The following RUFY2 variants were observed in gnomAD, a reference collection of about 807,000 sequenced individuals.
RUFY2 encodes the protein RUN and FYVE domain-containing protein 2.
Under a neutral mutation model 94.4 loss-of-function variants are expected in RUFY2, and 49 were observed. The ratio of observed to expected loss-of-function variants is 0.52; its 90% CI spans 0.41 to 0.66. The LOEUF is 0.66. Among genes scored for constraint, RUFY2 ranks in the 30% least tolerant of loss-of-function variants. RUFY2 has a pLI of 0.00. For synonymous variants in RUFY2, 255 were observed against 235.7 expected (o/e 1.08, Z -0.75); for missense variants, 541 against 692.8 (o/e 0.78, Z 2.46).
intron 13 of RUFY2, among the ~76,000 whole-genome samples, chr10:68,371,536 G>A (rs988368966): frequency 6.6e-6 from 1 of 151,406 alleles, no homozygotes. Flanking sequence ...AGGTTGCAGA[G>A]AGCCGAGATC....
chr10:68,379,608 G>T, intron 11 of RUFY2, 87 bp from the exon 12 acceptor site: 1 of 893,608 alleles, frequency 1.1e-6, no homozygotes, highest in Non-Finnish European at 1.7e-6. Flanking sequence ...TAATAGATAG[G>T]GTATCACTAT....
At chr10:68,380,535 A>T (rs1387150564) in intron 11 of RUFY2, among the ~76,000 whole-genome samples, 1 of 152,100 alleles carries the variant, frequency 6.6e-6, no homozygotes, top group Non-Finnish European at 1.5e-5. Context: ...TTTTGGCAAC[A>T]TATCTACTTA....
intron 9 of RUFY2, 46 bp downstream of exon 9, chr10:68,384,005 T>A (rs1395675078): frequency 6.3e-7 from 1 of 1,585,662 alleles, no homozygotes; most frequent in Non-Finnish European, 8.6e-7. Flanking sequence ...CCAAAAATGG[T>A]AATTTCTGAC....
At chr10:68,342,294 T>C (rs1312841242), downstream of RUFY2, 2 of 415,212 alleles carry the variant, frequency 4.8e-6, no homozygotes, top group Non-Finnish European at 8.6e-6. Context: ...ATACTTTTTA[T>C]ATACTAGTTA....
chr10:68,405,313 C>CAA (rs386371709), intron 1 of RUFY2: 120,348 of 171,016 alleles, frequency 0.7, 41,868 homozygotes, highest in East Asian at 0.95. Flanking sequence ...CTCCGTCTCA[C>CAA]AAAAAAAAAA....
chr10:68,393,941 T>G, intron 6 of RUFY2, 134 bp downstream of exon 6: 1 of 1,403,088 alleles, frequency 7.1e-7, no homozygotes, highest in South Asian at 1.4e-5. Context: ...GTAATGGAAG[T>G]GAAAATGAAA....
At chr10:68,405,150 T>C (rs1236998833) in intron 1 of RUFY2, among the ~76,000 whole-genome samples, 1 of 151,826 alleles carries the variant, frequency 6.6e-6, no homozygotes, top group African/African-American at 2.4e-5. Flanking sequence ...CCGTCTCTAC[T>C]AAAAATACAA....
intron 15 of RUFY2, among the ~76,000 whole-genome samples, chr10:68,356,578 C>T (rs1246402241): frequency 1.3e-5 from 2 of 152,000 alleles, no homozygotes; most frequent in East Asian, 4.0e-4. Flanking sequence ...GATGGAGTCT[C>T]GTTCTGTTAC....
At chr10:68,393,077 G>T in intron 7 of RUFY2, 61 bp downstream of exon 7, 1 of 887,486 alleles carries the variant, frequency 1.1e-6, no homozygotes, top group South Asian at 1.8e-5. Flanking sequence ...GTAAGCTGAA[G>T]GGAAAAAAAC....
Position 68,363,586 on chromosome 10 carries a change from T to A in RUFY2, c.1550+4A>T, listed in dbSNP as rs764780454. 1.9e-6 allele frequency: 3 copies of A among 1,575,954 alleles called. No homozygotes were observed. Among genetic ancestry groups the A allele is most frequent in the Non-Finnish European group, 8.6e-7 (1 of 1,162,402 alleles). On this transcript the variant is annotated splice_donor_region_variant and intron_variant, in intron 15 of 17. Transcript: ENST00000602465. ...CTACTTAGTTGAAGGAAAAAAGAAA[T>A]TACTCGCTAAGCTTGTTGCCGAGTT... is the stretch of plus-strand genomic sequence containing the variant.
At chr10:68,362,975 G>C (rs922420408) in intron 15 of RUFY2, among the ~76,000 whole-genome samples, 1 of 152,044 alleles carries the variant, frequency 6.6e-6, no homozygotes, top group Non-Finnish European at 1.5e-5. Flanking sequence ...CAGCTCCCCG[G>C]ATATTTTGAA....
chr10:68,356,480 T>C (rs970191311), intron 15 of RUFY2, among the ~76,000 whole-genome samples: 1 of 151,536 alleles, frequency 6.6e-6, no homozygotes, highest in Non-Finnish European at 1.5e-5. Flanking sequence ...CACTCCAGCC[T>C]GGGTGACAGC....
At chr10:68,382,915 A>G (rs1032002754) in intron 10 of RUFY2, among the ~76,000 whole-genome samples, 1 of 152,130 alleles carries the variant, frequency 6.6e-6, no homozygotes, top group Non-Finnish European at 1.5e-5. Flanking sequence ...AAACAAGTTA[A>G]TTTTAAATAT....
intron 13 of RUFY2, among the ~76,000 whole-genome samples, chr10:68,368,471 C>T (rs369939504): frequency 6.6e-6 from 1 of 151,580 alleles, no homozygotes; most frequent in Non-Finnish European, 1.5e-5. Context: ...ACCAGCCTGA[C>T]CAACATGGAG....
Position 68,396,811 on chromosome 10 carries a change from G to T in RUFY2, c.367C>A (p.Arg123Ser). 1.2e-6 allele frequency: 2 copies of T among 1,613,528 alleles called. No homozygotes were observed. Among genetic ancestry groups the T allele is most frequent in the Non-Finnish European group, 1.7e-6 (2 of 1,179,564 alleles). The stretch of plus-strand genomic sequence containing the variant: ...AGATCCCTCTGAATAATTAAGCAAC[G>T]TAAGTAATCGGCCATTTTTTTTTGC... ...LMQKKMADYL[R>S]CLIIQRDLLS... Residue 123 changes from arginine to serine, a missense_variant, in exon 4 of 18, where the codon CGT (arginine) becomes AGT (serine). Around this residue, in one of 3 missense-constraint regions of RUFY2, gnomAD observed 85 missense variants for 153.4 expected, o/e 0.55. Coordinates refer to ENST00000602465, the MANE Select transcript of RUFY2 (RefSeq NM_001330103.2).
chr10:68,400,071 C>T (rs916063395), intron 3 of RUFY2, among the ~76,000 whole-genome samples: 6 of 152,104 alleles, frequency 3.9e-5, no homozygotes, highest in South Asian at 2.1e-4. Context: ...TGAGCCACTG[C>T]GCTGGGCCAA....
At chr10:68,385,690 G>A (rs2049443789) in intron 8 of RUFY2, among the ~76,000 whole-genome samples, 1 of 152,084 alleles carries the variant, frequency 6.6e-6, no homozygotes, top group African/African-American at 2.4e-5. Context: ...TGCCATGGTG[G>A]TTTACTGCAC....
chr10:68,374,462 G>T (rs2048487338), intron 13 of RUFY2, among the ~76,000 whole-genome samples: 1 of 152,082 alleles, frequency 6.6e-6, no homozygotes, highest in African/African-American at 2.4e-5. Context: ...AACCTACCAA[G>T]AAGACATATT....
chr10:68,345,708 A>G lies in RUFY2; in HGVS notation c.*60T>C, dbSNP rs997310639. ...AGGAGAGCTGTCTGGTTACCTTTGT[A>G]TACAACATCATAACATTCATTGTAG... On this transcript the variant is annotated 3_prime_UTR_variant, in exon 18 of 18. Coordinates refer to ENST00000602465, the MANE Select transcript of RUFY2 (RefSeq NM_001330103.2). The G allele has an allele frequency of 7.3e-6, 11 of 1,510,102 alleles. No homozygotes were observed. The highest frequency in any genetic ancestry group is 1.7e-4 in the Middle Eastern group (1 of 5,748). The allele number at this position is 1,510,102 out of a possible 1,614,324, so 93.5% of individuals were successfully genotyped here.
Sources: gnomAD v4.1 joint callset for allele counts (sites outside exome capture counted in the v4.1 genomes callset) on GRCh38, gnomAD v4.1.1 for gene constraint, gnomAD v4.1.1 regional missense constraint, MANE v1.5 for transcripts, NCBI Gene and HGNC (gene_info 2026-07-23, HGNC 2026-07-21) for gene names.